The following ANO2 variants were observed in gnomAD, a reference collection of about 807,000 sequenced individuals.
ANO2 encodes the protein anoctamin 2, also known as anoctamin-2.
Under a neutral mutation model 124.2 loss-of-function variants are expected in ANO2, and 101 were observed. The ratio of observed to expected loss-of-function variants is 0.81; its 90% CI spans 0.69 to 0.96. The LOEUF is 0.96. Among genes scored for constraint, ANO2 ranks in the 40% least tolerant of loss-of-function variants. The probability of loss-of-function intolerance (pLI) is 0.00; values close to 1 mark genes in which losing one functional copy is unlikely to be tolerated. For synonymous variants in ANO2, 486 were observed against 482.5 expected, an observed-to-expected ratio of 1.01 and a Z score of -0.09; for missense variants, 1,293 against 1,274.5, an observed-to-expected ratio of 1.01 and a Z score of -0.22.
Position 5,635,282 on chromosome 12 carries a change from C to G in ANO2, c.1686G>C (p.Leu562=). 1 of 1,610,984 alleles carries G rather than the reference C, an allele frequency of 6.2e-7. No homozygotes were observed. Among genetic ancestry groups the G allele is most frequent in the African/African-American group, 1.3e-5 (1 of 74,802 alleles). Residue 562 remains leucine (L), a synonymous_variant, in exon 16 of 25, where the codon CTG becomes CTC. Transcript: ENST00000682330. This position sits in a 1 kb window ranked among gnomAD's most constrained non-coding sequence, Gnocchi z 5.2. ...TGGAGCGTGTAGCCTTATTGAGAGA[C>G]AGAGCGGCTGCAGTTGTTATTCGAT... The part of the protein sequence containing the change: ...IVYRITTAAA[L]SLNKATRSNV...
At chr12:5,763,943 T>C (rs1258839252) in intron 10 of ANO2, among the ~76,000 whole-genome samples, 1 of 152,160 alleles carries the variant, frequency 6.6e-6, no homozygotes, top group Non-Finnish European at 1.5e-5. Flanking sequence ...AAATTACCAG[T>C]ACTGGGAATG....
intron 14 of ANO2, among the ~76,000 whole-genome samples, chr12:5,731,048 T>A (rs940387330): frequency 1.3e-5 from 2 of 152,246 alleles, no homozygotes; most frequent in Non-Finnish European, 2.9e-5. Flanking sequence ...TGTACACAAT[T>A]CCGGTTCCTT....
At position 5,879,268 on chromosome 12, in the gene ANO2, C is replaced by T. The variant is rs563903123; in HGVS notation, c.535-25127G>A. Among the ~76,000 whole-genome samples the T allele has an allele frequency of 3.3e-5, 5 of 151,854 alleles. No homozygotes were observed. In the South Asian group the frequency reaches 8.4e-4, roughly 25 times the overall value. On this transcript the variant is annotated intron_variant, in intron 3 of 24. Coordinates refer to ENST00000682330, the MANE Select transcript of ANO2 (RefSeq NM_001364791.2). Reference sequence around the variant, plus strand: ...CCGCAGGCAGGTAAATAAGAAGGGACTGTACTCAAGCCCAAGAAACAAAGC... The same window carrying T: ...CCGCAGGCAGGTAAATAAGAAGGGATTGTACTCAAGCCCAAGAAACAAAGC...
chr12:5,628,525 G>C (rs978955512), intron 16 of ANO2, among the ~76,000 whole-genome samples: 5 of 152,200 alleles, frequency 3.3e-5, no homozygotes, highest in Non-Finnish European at 4.4e-5. Flanking sequence ...TTGGGCCTCT[G>C]ATCTTCTTCT....
Position 5,876,386 on chromosome 12 carries a change from T to C in ANO2, c.535-22245A>G, listed in dbSNP as rs1248046149. Among the ~76,000 whole-genome samples, 7 of 152,104 alleles carry C rather than the reference T, an allele frequency of 4.6e-5. 1 individual carries two copies. The South Asian group carries it at 1.5e-3, about 32-fold the overall frequency. On this transcript the variant is annotated intron_variant, in intron 3 of 24. Transcript: ENST00000682330. ...AATGCTTTTACACTGTTGGTGGGAG[T>C]GTAAATTAGTTCAACCATTGTGGAA...
intron 6 of ANO2, 36 bp from the exon 7 acceptor site, chr12:5,827,856 G>A: frequency 6.3e-7 from 1 of 1,591,460 alleles, no homozygotes. Flanking sequence ...TGAGCTCCTA[G>A]TTCCCCCCCG....
At chr12:5,692,686 T>A (rs1166245326) in intron 14 of ANO2, among the ~76,000 whole-genome samples, 1 of 152,098 alleles carries the variant, frequency 6.6e-6, no homozygotes, top group Non-Finnish European at 1.5e-5. Context: ...AACCCCTGCA[T>A]CAAGAAACAG....
intron 23 of ANO2, among the ~76,000 whole-genome samples, chr12:5,566,344 T>G (rs6489639): frequency 1 from 152,141 of 152,318 alleles, 75,982 homozygotes; most frequent in Non-Finnish European, 1. Context: ...CCTGACGTGA[T>G]TTCATGCCTC....
In ANO2 at chr12:5,799,534, T is replaced by C. The variant is rs375995361; in HGVS notation, c.1028A>G (p.Tyr343Cys). The C allele has an allele frequency of 1.1e-5, 18 of 1,613,850 alleles. No individual in the cohort carries two copies. The highest frequency in any genetic ancestry group is 8.0e-5 in the African/African-American group (6 of 74,940). Residue 343 changes from tyrosine (Y) to cysteine (C), a missense_variant, in exon 10 of 25, where the codon TAT (tyrosine) becomes TGT (cysteine). Coordinates refer to ENST00000682330, the MANE Select transcript of ANO2 (RefSeq NM_001364791.2). ...YQEWARYGVF[Y>C]KFQPIDLIRK... The stretch of plus-strand genomic sequence containing the variant: ...GATGAGGTCAATAGGTTGGAACTTA[T>C]AGAACACTCCATAGCGCGCCCATTC...
intron 13 of ANO2, among the ~76,000 whole-genome samples, chr12:5,735,380 G>C (rs1317753500): frequency 1.3e-5 from 2 of 152,160 alleles, no homozygotes; most frequent in Non-Finnish European, 2.9e-5. Flanking sequence ...GATGTAAAGA[G>C]GTAAGTCCAG....
chr12:5,874,135 C>A (rs1937929124), intron 3 of ANO2, among the ~76,000 whole-genome samples: 1 of 152,098 alleles, frequency 6.6e-6, no homozygotes, highest in Non-Finnish European at 1.5e-5. Context: ...ATAAAAGAGG[C>A]TAGGAAAAAA....
chr12:5,845,414 A>G (rs1284003895), intron 4 of ANO2, among the ~76,000 whole-genome samples: 1 of 151,812 alleles, frequency 6.6e-6, no homozygotes, highest in Non-Finnish European at 1.5e-5. Context: ...AAAAATACAA[A>G]AAATTAGCTG....
intron 3 of ANO2, among the ~76,000 whole-genome samples, chr12:5,856,038 G>A (rs1328337862): frequency 6.6e-6 from 1 of 152,214 alleles, no homozygotes; most frequent in Non-Finnish European, 1.5e-5. Context: ...AGGACTGCTA[G>A]ATAGAATCAT....
chr12:5,692,793 G>A (rs189071962), intron 14 of ANO2, among the ~76,000 whole-genome samples: 12 of 152,318 alleles, frequency 7.9e-5, no homozygotes, highest in African/African-American at 2.2e-4. Flanking sequence ...TGAAGTTCAT[G>A]AGGCAGACAG....
intron 3 of ANO2, among the ~76,000 whole-genome samples, chr12:5,917,769 G>A (rs536465574): frequency 5.3e-5 from 8 of 151,874 alleles, no homozygotes; most frequent in South Asian, 2.1e-4. Flanking sequence ...GGTTTTCACC[G>A]TGTTGGCCAG....
chr12:5,604,466 G>T (rs779788356), intron 19 of ANO2, among the ~76,000 whole-genome samples: 6 of 152,176 alleles, frequency 3.9e-5, no homozygotes, highest in Non-Finnish European at 7.3e-5. Context: ...AATGAGCAAT[G>T]CCAACTATGG....
chr12:5,676,654 T>C (rs2136994739), intron 14 of ANO2, among the ~76,000 whole-genome samples: 1 of 152,288 alleles, frequency 6.6e-6, no homozygotes, highest in Middle Eastern at 3.4e-3. Flanking sequence ...AAAAATATAG[T>C]AACTTATTTT....
chr12:5,726,487 G>T (rs1950445127), intron 14 of ANO2, among the ~76,000 whole-genome samples: 1 of 152,170 alleles, frequency 6.6e-6, no homozygotes, highest in Non-Finnish European at 1.5e-5. Flanking sequence ...GCAGACACAG[G>T]AGCAAGAGGT....
intron 7 of ANO2, among the ~76,000 whole-genome samples, chr12:5,812,601 A>AAG (rs1953447903): frequency 7.4e-6 from 1 of 134,860 alleles, no homozygotes; most frequent in African/African-American, 2.8e-5. Flanking sequence ...GAGGAAGAAG[A>AAG]AAAAGGAAGG....
Sources: allele counts gnomAD v4.1 joint callset (sites outside exome capture counted in the v4.1 genomes callset), GRCh38; gene constraint gnomAD v4.1.1; non-coding constraint Gnocchi (gnomAD v3.1); transcripts MANE v1.5; gene names NCBI Gene and HGNC (gene_info 2026-07-23, HGNC 2026-07-21).